Variants in WWP1 observed in about 807,000 individuals in gnomAD.
WWP1 encodes WW domain containing E3 ubiquitin protein ligase 1.
Under a neutral mutation model 130.6 loss-of-function variants are expected in WWP1, and 49 were observed. The ratio of observed to expected loss-of-function variants is 0.38; its 90% CI spans 0.30 to 0.48. The LOEUF is 0.48. Among genes scored for constraint, WWP1 ranks in the 20% least tolerant of loss-of-function variants. The probability of loss-of-function intolerance (pLI) is 0.99; values close to 1 mark genes in which losing one functional copy is unlikely to be tolerated. For synonymous variants in WWP1, 332 were observed against 367.8 expected, an observed-to-expected ratio of 0.90 and a Z score of 1.11; for missense variants, 809 against 1,100.6, an observed-to-expected ratio of 0.74 and a Z score of 3.75.
intron 14 of WWP1, among the ~76,000 whole-genome samples, chr8:86,434,330 C>T (rs1810164550): frequency 6.6e-6 from 1 of 152,222 alleles, no homozygotes; most frequent in Non-Finnish European, 1.5e-5. Context: ...TTTCGCTCCT[C>T]CTCATTCACC....
chr8:86,362,001 TAC>T (rs35035316), intron 1 of WWP1, among the ~76,000 whole-genome samples: 43,780 of 142,406 alleles, frequency 0.31, 8,403 homozygotes, highest in Middle Eastern at 0.44. Flanking sequence ...TACATATATA[TAC>T]ACACATATAT....
intron 14 of WWP1, among the ~76,000 whole-genome samples, chr8:86,432,152 G>A (rs924182016): frequency 1.3e-5 from 2 of 152,148 alleles, no homozygotes; most frequent in African/African-American, 4.8e-5. Flanking sequence ...GCTCTTAACT[G>A]CCACATCACA....
At chr8:86,388,176 A>G (rs1256933300) in intron 5 of WWP1, among the ~76,000 whole-genome samples, 1 of 151,206 alleles carries the variant, frequency 6.6e-6, no homozygotes, top group Non-Finnish European at 1.5e-5. Context: ...TTTTTTTTAA[A>G]CAACTTTCCT....
At chr8:86,370,113 T>C (rs773660074) in intron 2 of WWP1, among the ~76,000 whole-genome samples, 1 of 152,234 alleles carries the variant, frequency 6.6e-6, no homozygotes, top group Non-Finnish European at 1.5e-5. Flanking sequence ...GTTTCCATCT[T>C]TTCTTTTTAA....
chr8:86,345,210 TACCA>T (rs1822500414), intron 1 of WWP1, among the ~76,000 whole-genome samples: 1 of 152,228 alleles, frequency 6.6e-6, no homozygotes, highest in Non-Finnish European at 1.5e-5. Context: ...AGAACAGTGG[TACCA>T]TTTTGAGCAA....
At chr8:86,461,100 C>G in intron 22 of WWP1, 124 bp from the exon 23 acceptor site, 3 of 874,398 alleles carry the variant, frequency 3.4e-6, no homozygotes. Context: ...TGAGCCACCA[C>G]GCCCAACCTT....
chr8:86,372,017 ATTT>A (rs34458424), intron 2 of WWP1, among the ~76,000 whole-genome samples: 1 of 70,216 alleles, frequency 1.4e-5, no homozygotes, highest in Non-Finnish European at 2.6e-5. Flanking sequence ...TAATTTTTGT[ATTT>A]TTTTTTTTTT....
chr8:86,400,673 A>G (rs907955220), intron 7 of WWP1, among the ~76,000 whole-genome samples: 1 of 152,358 alleles, frequency 6.6e-6, no homozygotes. Context: ...TGATAATTTC[A>G]TAGTTGTATA....
chr8:86,389,873 C>G (rs1360067052), intron 5 of WWP1, among the ~76,000 whole-genome samples: 7 of 150,336 alleles, frequency 4.7e-5, no homozygotes, highest in Non-Finnish European at 3.0e-5. Flanking sequence ...GCTGGCCGGG[C>G]GGGGGCTGCC....
At chr8:86,362,021 CATAT>C (rs1217160102) in intron 1 of WWP1, among the ~76,000 whole-genome samples, 1 of 139,328 alleles carries the variant, frequency 7.2e-6, no homozygotes, top group East Asian at 2.0e-4. Context: ...TATATATACA[CATAT>C]ATATACACAC....
chr8:86,378,011 G>C (rs985684493), intron 3 of WWP1, among the ~76,000 whole-genome samples: 1 of 152,006 alleles, frequency 6.6e-6, no homozygotes, highest in Non-Finnish European at 1.5e-5. Flanking sequence ...TTATGCATTA[G>C]TATCTTGCTT....
intron 1 of WWP1, among the ~76,000 whole-genome samples, chr8:86,355,471 A>G (rs1339887037): frequency 1.3e-5 from 2 of 152,240 alleles, no homozygotes; most frequent in Admixed American, 1.3e-4. Flanking sequence ...TAAGGAAAAA[A>G]GTCGTTAAGC....
At chr8:86,415,480 C>T (rs1487145191) in intron 9 of WWP1, among the ~76,000 whole-genome samples, 1 of 152,146 alleles carries the variant, frequency 6.6e-6, no homozygotes, top group Admixed American at 6.5e-5. Context: ...TGCCCCTCAA[C>T]ACTTCAGCTT....
chr8:86,346,409 C>T (rs900978268), intron 1 of WWP1, among the ~76,000 whole-genome samples: 1 of 151,936 alleles, frequency 6.6e-6, no homozygotes, highest in Non-Finnish European at 1.5e-5. Flanking sequence ...GGCAACAGAG[C>T]GAGACTCTGT....
intron 20 of WWP1, among the ~76,000 whole-genome samples, chr8:86,449,989 T>TC (rs897791008): frequency 1.3e-5 from 2 of 152,202 alleles, no homozygotes; most frequent in Admixed American, 1.3e-4. Context: ...GCAGAAAACT[T>TC]CCTTAAGCAT....
intron 20 of WWP1, among the ~76,000 whole-genome samples, chr8:86,450,082 C>T (rs1244708052): frequency 1.3e-5 from 2 of 152,196 alleles, no homozygotes; most frequent in Non-Finnish European, 2.9e-5. Context: ...TTAATAGATA[C>T]TGCTATGTGG....
intron 22 of WWP1, among the ~76,000 whole-genome samples, chr8:86,460,280 T>C (rs1028926001): frequency 6.6e-6 from 1 of 152,088 alleles, no homozygotes; most frequent in South Asian, 2.1e-4. Context: ...CAGGGAGGTG[T>C]TCATTTGTTT....
At chr8:86,380,692 A>G in intron 3 of WWP1, 34 bp from the exon 4 acceptor site, 3 of 1,579,132 alleles carry the variant, frequency 1.9e-6, no homozygotes, top group East Asian at 4.6e-5. Context: ...CTTTTTGGCA[A>G]CACATACTCA....
intron 16 of WWP1, 143 bp downstream of exon 16, chr8:86,435,847 C>T: frequency 1.3e-6 from 1 of 763,464 alleles, no homozygotes. Flanking sequence ...TGTTGAGTGC[C>T]TTTGTTTTGT....
Sources: gnomAD v4.1 joint callset for allele counts (sites outside exome capture counted in the v4.1 genomes callset) on GRCh38, gnomAD v4.1.1 for gene constraint, MANE v1.5 for transcripts, NCBI Gene and HGNC (gene_info 2026-07-23, HGNC 2026-07-21) for gene names.